PARD3B: variants seen among roughly 807,000 people sequenced by gnomAD.
PARD3B encodes par-3 family cell polarity regulator beta, also known as partitioning defective 3 homolog B.
A neutral mutation model predicts 130.2 loss-of-function variants in PARD3B; 103 were observed. The ratio of observed to expected loss-of-function variants is 0.79; its 90% CI spans 0.67 to 0.93. The LOEUF (loss-of-function observed/expected upper bound fraction) is 0.93, where lower values mean the gene tolerates loss of function less well. Among genes scored for constraint, PARD3B ranks in the 40% least tolerant of loss-of-function variants. The probability of loss-of-function intolerance (pLI) is 0.00; values close to 1 mark genes in which losing one functional copy is unlikely to be tolerated. For missense variants in PARD3B, 1,609 were observed against 1,499.2 expected (o/e 1.07, Z -1.21); for synonymous variants, 583 against 553.2 (o/e 1.05, Z -0.76).
At chr2:205,072,462 G>C (rs890971612) in intron 4 of PARD3B, among the ~76,000 whole-genome samples, 1 of 152,012 alleles carries the variant, frequency 6.6e-6, no homozygotes, top group Admixed American at 6.5e-5. Context: ...CGTTGGCCAG[G>C]CTAGTCTCAA....
chr2:204,895,638 G>T (rs988178436), intron 2 of PARD3B, among the ~76,000 whole-genome samples: 3 of 151,926 alleles, frequency 2.0e-5, no homozygotes, highest in Non-Finnish European at 4.4e-5. Flanking sequence ...TTCAAACTTA[G>T]TGAGCTCCCC....
intron 10 of PARD3B, among the ~76,000 whole-genome samples, chr2:205,143,658 G>T (rs1164371111): frequency 6.6e-6 from 1 of 152,130 alleles, no homozygotes; most frequent in Non-Finnish European, 1.5e-5. Flanking sequence ...TGAAATAAAA[G>T]ACAATATTCA....
chr2:204,594,095 A>C (rs571921989), intron 1 of PARD3B, among the ~76,000 whole-genome samples: 2 of 152,194 alleles, frequency 1.3e-5, no homozygotes, highest in Non-Finnish European at 2.9e-5. Flanking sequence ...TCTATGATTA[A>C]ATAATTGCAG....
chr2:204,832,275 G>C (rs1220943155), intron 2 of PARD3B, among the ~76,000 whole-genome samples: 1 of 152,004 alleles, frequency 6.6e-6, no homozygotes, highest in South Asian at 2.1e-4. Flanking sequence ...TCATATTCTG[G>C]ACCAACTGGA....
intron 15 of PARD3B, among the ~76,000 whole-genome samples, chr2:205,238,886 G>GTGTATA (rs1258841331): frequency 6.5e-5 from 6 of 92,138 alleles, no homozygotes; most frequent in East Asian, 7.0e-4. Context: ...ATGTATGTGT[G>GTGTATA]TATATATATA....
intron 10 of PARD3B, among the ~76,000 whole-genome samples, chr2:205,138,284 C>G (rs1034184185): frequency 6.6e-6 from 1 of 152,174 alleles, no homozygotes; most frequent in Non-Finnish European, 1.5e-5. Flanking sequence ...CAGGCATGCT[C>G]CTTTCCCCTA....
chr2:205,331,518 A>G (rs1435228151), intron 18 of PARD3B, among the ~76,000 whole-genome samples: 1 of 151,958 alleles, frequency 6.6e-6, no homozygotes, highest in Non-Finnish European at 1.5e-5. Flanking sequence ...GTGGTGGTTC[A>G]CACCTGTAAG....
chr2:205,158,859 C>T lies in PARD3B; in HGVS notation c.1572C>T (p.Asp524=). 1 of 1,614,078 alleles carries T rather than the reference C, an allele frequency of 6.2e-7. No homozygotes were observed. The highest frequency in any genetic ancestry group is 1.1e-5 in the South Asian group (1 of 91,072). Residue 524 remains aspartate, a synonymous_variant, in exon 11 of 23, where the codon GAC becomes GAT. Coordinates refer to ENST00000406610, the MANE Select transcript of PARD3B (RefSeq NM_001302769.2). This position sits in a 1 kb window ranked among gnomAD's most constrained non-coding sequence, Gnocchi z 5.4. ...KGNKSRETGT[D]LGIFIKSIIH... is the part of the protein sequence containing the mutation. ...ACAAATCCAGAGAAACTGGAACAGA[C>T]TTGGGGATTTTTATCAAATCCATCA...
chr2:204,563,475 G>A (rs566438430), intron 1 of PARD3B, among the ~76,000 whole-genome samples: 1 of 152,072 alleles, frequency 6.6e-6, no homozygotes, highest in African/African-American at 2.4e-5. Flanking sequence ...TGTTTTTAAT[G>A]CATTTTTTCT....
Position 205,121,764 on chromosome 2 carries a change from G to A in PARD3B, c.980G>A (p.Gly327Glu). Residue 327 changes from glycine to glutamate, a missense_variant, in exon 8 of 23, where the codon GGA becomes GAA. Transcript: ENST00000406610. The surrounding 1 kb of genome is among the most constrained non-coding windows in gnomAD (Gnocchi z 5.0). ...CCGCCTCCTGTCCATGGAAAATCGG[G>A]ACTAAAGACAGCAAATCTCACAGGA... ...KVPPPVHGKS[G>E]LKTANLTGTD... The A allele has an allele frequency of 2.5e-6, 4 of 1,614,046 alleles. No individual in the cohort carries two copies. Among genetic ancestry groups the A allele is most frequent in the African/African-American group, 2.7e-5 (2 of 74,980 alleles).
At chr2:204,632,913 C>T (rs1031919217) in intron 1 of PARD3B, among the ~76,000 whole-genome samples, 1 of 152,180 alleles carries the variant, frequency 6.6e-6, no homozygotes, top group Non-Finnish European at 1.5e-5. Context: ...CGGTGAGTGC[C>T]ACGTACAGCA....
intron 21 of PARD3B, among the ~76,000 whole-genome samples, chr2:205,536,773 A>G (rs2051879896): frequency 6.6e-6 from 1 of 152,100 alleles, no homozygotes; most frequent in South Asian, 2.1e-4. Flanking sequence ...AAGATGGAAG[A>G]TTTTCAGTAA....
chr2:205,531,691 C>T (rs966875511), intron 21 of PARD3B, among the ~76,000 whole-genome samples: 1 of 151,916 alleles, frequency 6.6e-6, no homozygotes, highest in Non-Finnish European at 1.5e-5. Flanking sequence ...AATGTCCTAA[C>T]ACCACTCTCA....
chr2:205,249,002 A>G (rs914949067), intron 16 of PARD3B, among the ~76,000 whole-genome samples: 3 of 141,176 alleles, frequency 2.1e-5, no homozygotes, highest in Non-Finnish European at 3.0e-5. Context: ...AGGTTAAAAT[A>G]AGAGTTTTTT....
At chr2:205,206,348 C>A (rs564565817) in intron 15 of PARD3B, among the ~76,000 whole-genome samples, 2 of 150,528 alleles carry the variant, frequency 1.3e-5, no homozygotes, top group Admixed American at 1.3e-4. Context: ...GTATATCTCC[C>A]GATGCTATCC....
chr2:204,953,070 A>AGAGAGG (rs1195321451), intron 2 of PARD3B, among the ~76,000 whole-genome samples: 1 of 129,638 alleles, frequency 7.7e-6, no homozygotes, highest in Non-Finnish European at 1.6e-5. Context: ...ATATATAGAG[A>AGAGAGG]GAGAGGGAGA....
At chr2:204,986,888 C>T (rs1194195301) in intron 3 of PARD3B, among the ~76,000 whole-genome samples, 1 of 152,154 alleles carries the variant, frequency 6.6e-6, no homozygotes, top group African/African-American at 2.4e-5. Context: ...TGCATATCTC[C>T]CTCAGAGCAG....
intron 22 of PARD3B, among the ~76,000 whole-genome samples, chr2:205,596,722 C>A (rs773888738): frequency 6.6e-6 from 1 of 152,098 alleles, no homozygotes; most frequent in Admixed American, 6.6e-5. Flanking sequence ...TGTATGTAAT[C>A]ATGTTTGTGG....
intron 15 of PARD3B, among the ~76,000 whole-genome samples, chr2:205,212,963 G>C (rs2037720672): frequency 6.6e-6 from 1 of 152,146 alleles, no homozygotes; most frequent in Non-Finnish European, 1.5e-5. Flanking sequence ...CCATTTTACA[G>C]ATGGGGCAAT....
Sources: gnomAD v4.1 joint callset for allele counts (sites outside exome capture counted in the v4.1 genomes callset) on GRCh38, gnomAD v4.1.1 for gene constraint, Gnocchi (gnomAD v3.1) non-coding constraint, MANE v1.5 for transcripts, NCBI Gene and HGNC (gene_info 2026-07-23, HGNC 2026-07-21) for gene names.